Variants in CHMP3 observed in about 807,000 individuals in gnomAD.
The protein encoded by CHMP3 is charged multivesicular body protein 3.
CHMP3 carries 8 observed loss-of-function variants against 27.4 expected under a neutral mutation model. The ratio of observed to expected loss-of-function variants is 0.29; its 90% CI spans 0.17 to 0.53. The LOEUF is 0.53. CHMP3 is among the 20% of genes least tolerant of loss of function. The pLI is 0.96. For missense variants in CHMP3, 208 were observed against 271.5 expected, an observed-to-expected ratio of 0.77 and a Z score of 1.64; for synonymous variants, 86 against 85.5, an observed-to-expected ratio of 1.01 and a Z score of -0.03.
intron 4 of CHMP3, among the ~76,000 whole-genome samples, chr2:86,509,780 C>T (rs983366324): frequency 3.9e-5 from 6 of 152,230 alleles, no homozygotes; most frequent in African/African-American, 7.2e-5. Flanking sequence ...CTACTTCTCA[C>T]GATGGCTAGA....
chr2:86,515,868 A>C (rs1224408642), intron 3 of CHMP3, among the ~76,000 whole-genome samples: 1 of 152,138 alleles, frequency 6.6e-6, no homozygotes. Context: ...TATTTAAAAA[A>C]AATTTTTGGC....
At chr2:86,558,623 T>C (rs1677221320) in intron 1 of CHMP3, among the ~76,000 whole-genome samples, 1 of 152,180 alleles carries the variant, frequency 6.6e-6, no homozygotes, top group South Asian at 2.1e-4. Context: ...CATGATGGTG[T>C]GATATGACTA....
chr2:86,541,828 A>C (rs1676373572), intron 2 of CHMP3, among the ~76,000 whole-genome samples: 1 of 152,180 alleles, frequency 6.6e-6, no homozygotes, highest in Non-Finnish European at 1.5e-5. Flanking sequence ...AGTGTTAAAA[A>C]CCTTAAAAGT....
rs900876664 is a variant in CHMP3, at chr2:86,511,645, A to G, written c.287-1166T>C. The G allele has an allele frequency of 2.6e-5, 4 of 152,004 alleles. No homozygotes were observed. In the East Asian group the frequency reaches 5.8e-4, roughly 22 times the overall value. 9.4% of individuals were successfully genotyped at this position (152,004 alleles called of 1,614,324 possible). A position where few individuals can be genotyped will look rare whatever the true frequency, so the allele number is the denominator to read the frequency against. The stretch of plus-strand genomic sequence containing the variant: ...AAAGGGTAAAAATAAAGCAAATTCC[A>G]TCCAGTTTTGTTTATAAAGCCTGAT... On this transcript the variant is annotated intron_variant, in intron 3 of 5. Coordinates refer to ENST00000263856, the MANE Select transcript of CHMP3 (RefSeq NM_016079.4).
At chr2:86,528,090 A>C (rs1675785139) in intron 3 of CHMP3, among the ~76,000 whole-genome samples, 1 of 152,222 alleles carries the variant, frequency 6.6e-6, no homozygotes, top group Non-Finnish European at 1.5e-5. Context: ...TATCTCGAGA[A>C]AGAAACTAAT....
At chr2:86,536,511 T>C (rs1310546246) in intron 2 of CHMP3, among the ~76,000 whole-genome samples, 1 of 151,526 alleles carries the variant, frequency 6.6e-6, no homozygotes, top group African/African-American at 2.5e-5. Context: ...GCCTTTTCTT[T>C]CAGTATTGAA....
At chr2:86,532,804 T>A (rs1675979909) in intron 2 of CHMP3, among the ~76,000 whole-genome samples, 2 of 152,354 alleles carry the variant, frequency 1.3e-5, no homozygotes, top group Non-Finnish European at 2.9e-5. Flanking sequence ...TGATGTATAC[T>A]CATTTTAATG....
At chr2:86,561,498 C>T (rs1558665844) in intron 1 of CHMP3, 2 of 152,184 alleles carry the variant, frequency 1.3e-5, no homozygotes, top group East Asian at 3.9e-4. Context: ...CCTACTGAAT[C>T]AGATTTTGAA....
At chr2:86,515,624 A>G (rs1411096481) in intron 3 of CHMP3, among the ~76,000 whole-genome samples, 1 of 152,164 alleles carries the variant, frequency 6.6e-6, no homozygotes, top group Non-Finnish European at 1.5e-5. Flanking sequence ...CCCAGCCACT[A>G]GATTCCTTTT....
At chr2:86,524,911 C>T (rs1000868170) in intron 3 of CHMP3, among the ~76,000 whole-genome samples, 10 of 152,222 alleles carry the variant, frequency 6.6e-5, no homozygotes, top group Non-Finnish European at 1.5e-5. Context: ...CAACTTCTCT[C>T]CTCAGAAGTG....
intron 2 of CHMP3, among the ~76,000 whole-genome samples, chr2:86,531,637 TC>T (rs1161228278): frequency 6.6e-6 from 1 of 152,186 alleles, no homozygotes; most frequent in African/African-American, 2.4e-5. Context: ...GGGGTTAGTT[TC>T]TGTATACATT....
chr2:86,548,179 C>CTTTTTTTTTTTTTTT (rs55949258), intron 1 of CHMP3, among the ~76,000 whole-genome samples: 1 of 116,070 alleles, frequency 8.6e-6, no homozygotes, highest in Non-Finnish European at 1.9e-5. Flanking sequence ...GAGGAGTTCT[C>CTTTTTTTTTTTTTTT]TTTTTTTTTT....
In CHMP3 at chr2:86,505,551, A is replaced by C. The variant is rs1201151199; in HGVS notation, c.*253T>G. 11 of 379,758 alleles carry C rather than the reference A, an allele frequency of 2.9e-5. No individual in the cohort carries two copies. Among genetic ancestry groups the C allele is most frequent in the Middle Eastern group, 6.9e-4 (1 of 1,450 alleles). 23.5% of individuals were successfully genotyped at this position (379,758 alleles called of 1,614,324 possible). On this transcript the variant is annotated 3_prime_UTR_variant, in exon 6 of 6. Transcript: ENST00000263856. Reference sequence around the variant, plus strand: ...TCACCTATATTTTCAGAAGTGCTTCATGAGCAGATGGATTTCTTTCCCCTC... The same window carrying C: ...TCACCTATATTTTCAGAAGTGCTTCCTGAGCAGATGGATTTCTTTCCCCTC...
At chr2:86,563,264 A>G (rs1487749288) in intron 1 of CHMP3, 40 bp downstream of exon 1, 6 of 1,612,136 alleles carry the variant, frequency 3.7e-6, no homozygotes, top group African/African-American at 1.3e-5. Context: ...TACGCCCCAC[A>G]CAGATCCACC....
chr2:86,560,248 C>T (rs1292529016), intron 1 of CHMP3, among the ~76,000 whole-genome samples: 1 of 151,332 alleles, frequency 6.6e-6, no homozygotes, highest in Non-Finnish European at 1.5e-5. Flanking sequence ...GGCGACAGAG[C>T]GAGACTCCAT....
chr2:86,518,702 A>T (rs1392426163), intron 3 of CHMP3, among the ~76,000 whole-genome samples: 3 of 152,036 alleles, frequency 2.0e-5, no homozygotes, highest in Non-Finnish European at 4.4e-5. Flanking sequence ...CAGTAGCAGC[A>T]CCCCTTTTCC....
chr2:86,533,467 G>C (rs186681647), intron 2 of CHMP3, among the ~76,000 whole-genome samples: 9 of 150,846 alleles, frequency 6.0e-5, no homozygotes, highest in Non-Finnish European at 1.3e-4. Flanking sequence ...CTTTGTTCTT[G>C]TTCTGTTTCC....
intron 4 of CHMP3, among the ~76,000 whole-genome samples, chr2:86,507,960 T>G (rs990903510): frequency 6.6e-6 from 1 of 152,076 alleles, no homozygotes; most frequent in Admixed American, 6.6e-5. Flanking sequence ...GCAAATATAA[T>G]CCGTGAACGC....
At chr2:86,547,451 T>C (rs1676655860) in intron 1 of CHMP3, among the ~76,000 whole-genome samples, 1 of 152,198 alleles carries the variant, frequency 6.6e-6, no homozygotes, top group African/African-American at 2.4e-5. Context: ...AAGAAAAACT[T>C]ACCTAAGAGA....
Sources: allele counts gnomAD v4.1 joint callset (sites outside exome capture counted in the v4.1 genomes callset), GRCh38; gene constraint gnomAD v4.1.1; transcripts MANE v1.5; gene names NCBI Gene and HGNC (gene_info 2026-07-23, HGNC 2026-07-21).